Variants in RIT2 observed in about 807,000 individuals in gnomAD.
The protein encoded by RIT2 is GTP-binding protein Rit2.
Under a neutral mutation model 23.7 loss-of-function variants are expected in RIT2, and 24 were observed. The ratio of observed to expected loss-of-function variants is 1.01; its 90% CI spans 0.73 to 1.43. The LOEUF is 1.43. RIT2 is among the 40% of genes most tolerant of loss of function. The pLI is 0.00. For missense variants in RIT2, 236 were observed against 266.9 expected (o/e 0.88, Z 0.81); for synonymous variants, 107 against 91.1 (o/e 1.17, Z -0.99).
intron 1 of RIT2, among the ~76,000 whole-genome samples, chr18:43,100,392 G>A (rs772918955): frequency 2.0e-5 from 3 of 152,132 alleles, no homozygotes; most frequent in Non-Finnish European, 4.4e-5. Flanking sequence ...GAGGTTAGTA[G>A]GACATGAGAT....
chr18:43,026,719 A>G (rs1332896236), intron 2 of RIT2, among the ~76,000 whole-genome samples: 1 of 151,692 alleles, frequency 6.6e-6, no homozygotes, highest in Non-Finnish European at 1.5e-5. Context: ...TCAGCTTTGA[A>G]CAGGGGAATT....
intron 1 of RIT2, among the ~76,000 whole-genome samples, chr18:43,055,348 CAAT>C (rs1056335049): frequency 1.3e-5 from 2 of 152,016 alleles, no homozygotes; most frequent in African/African-American, 2.4e-5. Context: ...GTGATGAAAA[CAAT>C]GATGAAATGG....
At chr18:42,927,528 T>C (rs546726196) in intron 3 of RIT2, among the ~76,000 whole-genome samples, 62 of 152,056 alleles carry the variant, frequency 4.1e-4, no homozygotes, top group African/African-American at 1.4e-3. Flanking sequence ...AAATGCTGTG[T>C]TCAACATGTT....
At chr18:43,042,946 A>G (rs891821290) in intron 1 of RIT2, among the ~76,000 whole-genome samples, 3 of 152,190 alleles carry the variant, frequency 2.0e-5, no homozygotes, top group Non-Finnish European at 2.9e-5. Flanking sequence ...TTTCAACAAG[A>G]ATAAGAACCA....
intron 4 of RIT2, among the ~76,000 whole-genome samples, chr18:42,887,890 G>A (rs1908065124): frequency 6.6e-6 from 1 of 152,050 alleles, no homozygotes; most frequent in Non-Finnish European, 1.5e-5. Context: ...TATTACTTAA[G>A]GGAAAGGAGC....
intron 1 of RIT2, among the ~76,000 whole-genome samples, chr18:43,094,096 C>T (rs965437567): frequency 1.4e-5 from 2 of 138,006 alleles, no homozygotes; most frequent in Non-Finnish European, 3.1e-5. Context: ...AAGAACATTT[C>T]AAAATTGGTA....
chr18:43,030,919 A>T (rs1252815949), intron 2 of RIT2, among the ~76,000 whole-genome samples: 2 of 152,082 alleles, frequency 1.3e-5, no homozygotes, highest in African/African-American at 4.8e-5. Flanking sequence ...AACAAATGGA[A>T]AAGTTAAGCA....
At chr18:42,859,660 G>A (rs926021489) in intron 4 of RIT2, among the ~76,000 whole-genome samples, 15 of 152,068 alleles carry the variant, frequency 9.9e-5, no homozygotes, top group African/African-American at 1.9e-4. Context: ...GTGCTGCTAC[G>A]TGTTCTTTCA....
intron 1 of RIT2, among the ~76,000 whole-genome samples, chr18:43,078,671 A>G (rs1413096529): frequency 1.3e-5 from 2 of 152,334 alleles, no homozygotes; most frequent in East Asian, 3.9e-4. Flanking sequence ...CAGGCAAACC[A>G]GGGAGAAGGC....
At chr18:42,897,468 A>G (rs1373215152) in intron 4 of RIT2, among the ~76,000 whole-genome samples, 4 of 152,330 alleles carry the variant, frequency 2.6e-5, no homozygotes, top group Non-Finnish European at 5.9e-5. Context: ...AGAATAAAAC[A>G]TCTACATAGT....
In RIT2 at chr18:42,923,594, A is replaced by G; in HGVS notation, c.404T>C (p.Ile135Thr). Reference sequence around the variant, plus strand: ...CACCTGGCGGAACTGTTCCAGATCAATTTTGTTACCCACCAGCACCAGGGG... The same window carrying G: ...CACCTGGCGGAACTGTTCCAGATCAGTTTTGTTACCCACCAGCACCAGGGG... ...EIPLVLVGNK[I>T]DLEQFRQVST... The change falls in exon 4 of 5, where the codon ATT becomes ACT. Residue 135 changes from isoleucine to threonine, a missense_variant. By Grantham distance (89) the Ile-to-Thr change is moderately conservative. Coordinates refer to ENST00000326695, the MANE Select transcript of RIT2 (RefSeq NM_002930.4). 1 of 1,613,392 alleles carries G rather than the reference A, an allele frequency of 6.2e-7. No homozygotes were observed. The highest frequency in any genetic ancestry group is 1.1e-5 in the South Asian group (1 of 91,046).
chr18:42,826,058 C>T (rs536796250), intron 4 of RIT2, among the ~76,000 whole-genome samples: 3 of 152,090 alleles, frequency 2.0e-5, no homozygotes, highest in East Asian at 1.9e-4. Flanking sequence ...TTCTAACTTT[C>T]CTTTAATCGG....
chr18:42,925,548 GCTA>G (rs1023497725), intron 3 of RIT2, among the ~76,000 whole-genome samples: 3 of 151,820 alleles, frequency 2.0e-5, no homozygotes, highest in African/African-American at 7.2e-5. Flanking sequence ...TAAAGTTTAT[GCTA>G]CTTTCTGATT....
intron 1 of RIT2, 97 bp from the exon 2 acceptor site, chr18:43,033,964 G>T (rs995196903): frequency 1.0e-5 from 8 of 795,170 alleles, no homozygotes; most frequent in Non-Finnish European, 1.6e-5. Context: ...AAAGGTTATG[G>T]TGAATAAGTT....
At chr18:42,925,830 T>C (rs1428960416) in intron 3 of RIT2, among the ~76,000 whole-genome samples, 5 of 151,648 alleles carry the variant, frequency 3.3e-5, no homozygotes, top group African/African-American at 1.2e-4. Context: ...ACATAATATA[T>C]ACCTTTAATT....
At position 43,008,551 on chromosome 18, in the gene RIT2, ATTACT is replaced by A. The variant is rs1051852197; in HGVS notation, c.160+25255_160+25259del. Among the ~76,000 whole-genome samples the A allele has an allele frequency of 3.2e-4, 48 of 151,566 alleles. 1 individual carries two copies. The highest frequency in any genetic ancestry group is 1.1e-3 in the African/African-American group (45 of 41,480). On this transcript the variant is annotated intron_variant, in intron 2 of 4. Coordinates refer to ENST00000326695, the MANE Select transcript of RIT2 (RefSeq NM_002930.4). The stretch of plus-strand genomic sequence containing the variant: ...CTTATACTAACTCATTAAGCTGTAC[ATTACT>A]TTATGTTATCTTCAATAAACAGCAA...
At chr18:43,004,029 T>A (rs4635414) in intron 2 of RIT2, among the ~76,000 whole-genome samples, 144,675 of 151,770 alleles carry the variant, frequency 0.95, 69,321 homozygotes, top group East Asian at 1. Flanking sequence ...CTGTACTGAT[T>A]TTTCCCCCCG....
chr18:43,044,288 A>AT (rs1392327180), intron 1 of RIT2, among the ~76,000 whole-genome samples: 2 of 151,926 alleles, frequency 1.3e-5, no homozygotes, highest in African/African-American at 2.4e-5. Flanking sequence ...GACAGCTTTC[A>AT]TTTTTTTTCT....
chr18:42,837,143 TTTTC>T (rs1238801791), intron 4 of RIT2, among the ~76,000 whole-genome samples: 2 of 131,968 alleles, frequency 1.5e-5, no homozygotes, highest in East Asian at 2.2e-4. Flanking sequence ...ATTTCTTTTT[TTTTC>T]TTTTTCTTTT....
Sources: allele counts gnomAD v4.1 joint callset (sites outside exome capture counted in the v4.1 genomes callset), GRCh38; gene constraint gnomAD v4.1.1; transcripts MANE v1.5; gene names NCBI Gene and HGNC (gene_info 2026-07-23, HGNC 2026-07-21).